The following SLC39A8 variants were observed in gnomAD, a reference collection of about 807,000 sequenced individuals.
SLC39A8 encodes the protein metal cation symporter ZIP8.
In SLC39A8, 15 loss-of-function variants were observed where a neutral mutation model predicts 40.4. That is an observed-to-expected ratio of 0.37 (90% CI 0.25 to 0.57). SLC39A8 has a LOEUF of 0.57. Ranked by LOEUF, SLC39A8 falls within the 20% of genes least tolerant of loss-of-function variation. The pLI, the probability that SLC39A8 is intolerant of heterozygous loss-of-function variation, is 0.75. For synonymous variants in SLC39A8, 223 were observed against 221.6 expected, an observed-to-expected ratio of 1.01 and a Z score of -0.06; for missense variants, 472 against 558.8, an observed-to-expected ratio of 0.84 and a Z score of 1.57.
chr4:102,304,555 A>ACTGCT (rs1321693865), intron 5 of SLC39A8, 74 bp from the exon 6 acceptor site: 2 of 1,242,156 alleles, frequency 1.6e-6, no homozygotes, highest in East Asian at 4.9e-5. Flanking sequence ...AATAGAGTTT[A>ACTGCT]CTGCTTTTTA....
chr4:102,299,187 T>C (rs1733803496), intron 6 of SLC39A8, among the ~76,000 whole-genome samples: 2 of 151,690 alleles, frequency 1.3e-5, no homozygotes, highest in Non-Finnish European at 1.5e-5. Flanking sequence ...CTACCCTTCT[T>C]CCCACCGCCA....
intron 6 of SLC39A8, among the ~76,000 whole-genome samples, chr4:102,303,715 A>G (rs1734012899): frequency 6.6e-6 from 1 of 151,708 alleles, no homozygotes; most frequent in African/African-American, 2.4e-5. Context: ...TTTGATTTCT[A>G]TCACTTGAAA....
intron 8 of SLC39A8, 131 bp downstream of exon 8, chr4:102,267,359 A>G: frequency 1.4e-6 from 1 of 723,298 alleles, no homozygotes; most frequent in Non-Finnish European, 2.2e-6. Flanking sequence ...TTGAAATGGG[A>G]TTGTTCTGAA....
chr4:102,280,924 TGAAAA>T (rs1024528848), intron 6 of SLC39A8, among the ~76,000 whole-genome samples: 2 of 152,204 alleles, frequency 1.3e-5, no homozygotes, highest in Non-Finnish European at 2.9e-5. Flanking sequence ...TTTACTGCCT[TGAAAA>T]GAACAATTTA....
At chr4:102,253,494 T>C in intron 11 of SLC39A8, 1 of 687,682 alleles carries the variant, frequency 1.5e-6, no homozygotes, top group Non-Finnish European at 2.7e-6. Flanking sequence ...GTTTCCGTAA[T>C]CTTTCAGTCC....
intron 8 of SLC39A8, among the ~76,000 whole-genome samples, chr4:102,265,652 T>C (rs1455114212): frequency 1.3e-5 from 2 of 152,308 alleles, no homozygotes; most frequent in South Asian, 4.1e-4. Context: ...GCTCCTGTAA[T>C]AGAATGCTGG....
chr4:102,322,239 GCTAA>G (rs1028500166), intron 2 of SLC39A8, among the ~76,000 whole-genome samples: 44 of 152,282 alleles, frequency 2.9e-4, no homozygotes, highest in African/African-American at 9.9e-4. Flanking sequence ...GTGAAAGAAG[GCTAA>G]CTAAGAAGTG....
chr4:102,327,570 C>T (rs1735270638), intron 2 of SLC39A8, among the ~76,000 whole-genome samples: 1 of 152,310 alleles, frequency 6.6e-6, no homozygotes, highest in East Asian at 1.9e-4. Flanking sequence ...CTCCAGACAT[C>T]CCTGTTATCT....
intron 2 of SLC39A8, among the ~76,000 whole-genome samples, chr4:102,334,667 C>T (rs1285921697): frequency 2.0e-5 from 3 of 152,184 alleles, no homozygotes; most frequent in African/African-American, 4.8e-5. Context: ...CATTCAGGCA[C>T]TTGGATGACA....
chr4:102,290,910 CT>C lies in SLC39A8; in HGVS notation c.840+13406del, dbSNP rs779516750. 2.6e-5 allele frequency among the ~76,000 whole-genome samples: 4 copies of C among 152,022 alleles called. No homozygotes were observed. The South Asian group carries it at 8.3e-4, about 32-fold the overall frequency. Reference sequence around the variant, plus strand: ...TCCATCCCATCTTAGAATAAGAACCCTTTTCCTTTTCATTGTGAACAGCTCC... The same window carrying C: ...TCCATCCCATCTTAGAATAAGAACCCTTTCCTTTTCATTGTGAACAGCTCC... On this transcript the variant is annotated intron_variant, in intron 6 of 8. Transcript: ENST00000356736.
At chr4:102,260,071 T>C (rs977966461), downstream of SLC39A8, among the ~76,000 whole-genome samples, 2 of 152,216 alleles carry the variant, frequency 1.3e-5, no homozygotes, top group Non-Finnish European at 2.9e-5. Flanking sequence ...AGAAAAATAC[T>C]GGTTATTAGG....
At chr4:102,257,248 G>A (rs929707391), downstream of SLC39A8, among the ~76,000 whole-genome samples, 5 of 151,332 alleles carry the variant, frequency 3.3e-5, no homozygotes, top group South Asian at 2.1e-4. Context: ...TCTGCCTCCC[G>A]GGTTCAATTC....
chr4:102,267,397 G>A (rs962131798), intron 8 of SLC39A8, 93 bp downstream of exon 8: 267 of 1,194,626 alleles, frequency 2.2e-4, no homozygotes, highest in East Asian at 1.5e-3. Context: ...TCCACACTGC[G>A]GAAAGCAGAA....
At chr4:102,300,074 C>T (rs1382564788) in intron 6 of SLC39A8, among the ~76,000 whole-genome samples, 1 of 151,986 alleles carries the variant, frequency 6.6e-6, no homozygotes, top group African/African-American at 2.4e-5. Flanking sequence ...TTGTGCACCC[C>T]TCTTTTTCCT....
chr4:102,277,252 C>A (rs1244684058), intron 6 of SLC39A8, among the ~76,000 whole-genome samples: 2 of 152,170 alleles, frequency 1.3e-5, no homozygotes, highest in African/African-American at 4.8e-5. Context: ...ATCATCTCAG[C>A]CCCAAAACTC....
At position 102,304,490 on chromosome 4, in the gene SLC39A8, G is replaced by C. The variant is rs750949978; in HGVS notation, c.676-9C>G. The C allele has an allele frequency of 1.2e-5, 19 of 1,599,386 alleles. No homozygotes were observed. Among genetic ancestry groups the C allele is most frequent in the Admixed American group, 8.6e-5 (5 of 58,104 alleles). ...AAGTGGGTATGACCATTCTATATGG[G>C]AACAAAAACCAAAGAGATTATAAGA... On this transcript the variant is annotated splice_polypyrimidine_tract_variant and intron_variant, in intron 5 of 8. Transcript: ENST00000356736.
chr4:102,300,425 G>A (rs1733873043), intron 6 of SLC39A8, among the ~76,000 whole-genome samples: 2 of 152,036 alleles, frequency 1.3e-5, no homozygotes, highest in African/African-American at 4.8e-5. Flanking sequence ...TCTGTAATGA[G>A]CCAGAATTGC....
intron 3 of SLC39A8, among the ~76,000 whole-genome samples, chr4:102,307,836 TGG>T (rs1734254504): frequency 6.6e-6 from 1 of 152,092 alleles, no homozygotes; most frequent in Non-Finnish European, 1.5e-5. Flanking sequence ...ATCATCATTA[TGG>T]GATTAATGAG....
intron 2 of SLC39A8, among the ~76,000 whole-genome samples, chr4:102,332,786 T>C (rs542442757): frequency 1.4e-4 from 22 of 152,198 alleles, no homozygotes; most frequent in South Asian, 6.2e-4. Context: ...CAATGATGGA[T>C]TGTATAAAGA....
Sources: allele counts gnomAD v4.1 joint callset (sites outside exome capture counted in the v4.1 genomes callset), GRCh38; gene constraint gnomAD v4.1.1; transcripts MANE v1.5; gene names NCBI Gene and HGNC (gene_info 2026-07-23, HGNC 2026-07-21).